LDLRAD2: variants seen among roughly 807,000 people sequenced by gnomAD.
LDLRAD2 encodes the protein low-density lipoprotein receptor class A domain-containing protein 2.
In LDLRAD2, 25 loss-of-function variants were observed where a neutral mutation model predicts 24.9. That is an observed-to-expected ratio of 1.00 (90% CI 0.73 to 1.40). LDLRAD2 has a LOEUF of 1.40. Ranked by LOEUF, LDLRAD2 falls within the 40% of genes most tolerant of loss-of-function variation. The pLI, the probability that LDLRAD2 is intolerant of heterozygous loss-of-function variation, is 0.00. For missense variants in LDLRAD2, 391 were observed against 366.2 expected (o/e 1.07, Z -0.55); for synonymous variants, 182 against 166.7 (o/e 1.09, Z -0.71).
rs1157943741 is a variant in LDLRAD2, at chr1:21,824,403, G to C, written c.*2188G>C. 1.9e-6 allele frequency: 3 copies of C among 1,612,652 alleles called. No homozygotes were observed. The highest frequency in any genetic ancestry group is 2.7e-5 in the African/African-American group (2 of 75,006). On this transcript the variant is annotated 3_prime_UTR_variant, in exon 5 of 5. Transcript: ENST00000344642. This position sits in a 1 kb window ranked among gnomAD's most constrained non-coding sequence, Gnocchi z 5.9. Reference sequence around the variant, plus strand: ...TGCCAGGGAAGCACAGGGTCTCTGGGGTCCCCAGCCTGGAGAGCAGAGGCT... The same window carrying C: ...TGCCAGGGAAGCACAGGGTCTCTGGCGTCCCCAGCCTGGAGAGCAGAGGCT...
At chr1:21,815,322 A>T (rs1291009135) in intron 2 of LDLRAD2, among the ~76,000 whole-genome samples, 2 of 152,214 alleles carry the variant, frequency 1.3e-5, no homozygotes, top group Non-Finnish European at 2.9e-5. Context: ...ACCGCCTTGC[A>T]CACTTACACA....
Position 21,816,066 on chromosome 1 carries a change from A to T in LDLRAD2, c.635A>T (p.Asp212Val), listed in dbSNP as rs778575694. The T allele has an allele frequency of 3.7e-6, 6 of 1,613,106 alleles. No individual in the cohort carries two copies. In the East Asian group the frequency reaches 1.3e-4, roughly 36 times the overall value. Residue 212 changes from aspartate (D) to valine (V), a missense_variant, in exon 3 of 5, where the codon GAC becomes GTC. Asp to Val is a radical substitution (Grantham distance 152). Coordinates refer to ENST00000344642, the MANE Select transcript of LDLRAD2 (RefSeq NM_001013693.3). ...GACCAGGGCTCCTGGTCACCAGCTGACTGCAGAGGTCAGTGCGGGGTGTGG... is the reference window on the plus strand; with the variant it reads ...GACCAGGGCTCCTGGTCACCAGCTGTCTGCAGAGGTCAGTGCGGGGTGTGG... ...GSDQGSWSPA[D>V]CRGPSPVPSQ...
chr1:21,820,339 C>T (rs1023975840), intron 3 of LDLRAD2, among the ~76,000 whole-genome samples: 7 of 151,630 alleles, frequency 4.6e-5, no homozygotes, highest in Non-Finnish European at 1.0e-4. Context: ...ATCGAGACCA[C>T]AGTGAAACCC....
intron 3 of LDLRAD2, among the ~76,000 whole-genome samples, chr1:21,818,505 A>T (rs555018746): frequency 6.6e-6 from 1 of 152,312 alleles, no homozygotes; most frequent in Admixed American, 6.5e-5. Context: ...CACAGAGGTG[A>T]AATGCCATCT....
Position 21,824,799 on chromosome 1 carries a change from G to A in LDLRAD2, c.*2584G>A. The A allele has an allele frequency of 6.2e-7, 1 of 1,603,146 alleles. No individual in the cohort carries two copies. The highest frequency in any genetic ancestry group is 8.5e-7 in the Non-Finnish European group (1 of 1,173,610). ...GGGCATCTGTGGGAGAGAGGAGGGT[G>A]GTGCCATACCTGCTGCATCAGGCAT... On this transcript the variant is annotated 3_prime_UTR_variant, in exon 5 of 5. Transcript: ENST00000344642. The surrounding 1 kb of genome is among the most constrained non-coding windows in gnomAD (Gnocchi z 5.9).
rs1389760576 is a variant in LDLRAD2, at chr1:21,816,063, C to A, written c.632C>A (p.Ala211Asp). Residue 211 changes from alanine (A) to aspartate (D), a missense_variant, in exon 3 of 5, where the codon GCT (alanine) becomes GAT (aspartate). Physicochemically the swap from Ala to Asp is moderately radical, Grantham distance 126. Transcript: ENST00000344642. ...AGTGACCAGGGCTCCTGGTCACCAG[C>A]TGACTGCAGAGGTCAGTGCGGGGTG... ...DGSDQGSWSP[A>D]DCRGPSPVPS... 3.1e-6 allele frequency: 5 copies of A among 1,613,076 alleles called. No individual in the cohort carries two copies. The highest frequency in any genetic ancestry group is 1.1e-5 in the South Asian group (1 of 91,086).
chr1:21,812,357 G>A lies in LDLRAD2; in HGVS notation c.-95G>A. 5.5e-6 allele frequency: 5 copies of A among 916,200 alleles called. No individual in the cohort carries two copies. The highest frequency in any genetic ancestry group is 4.2e-5 in the South Asian group (3 of 71,192). The allele number at this position is 916,200 out of a possible 1,614,324, so 56.8% of individuals were successfully genotyped here. On this transcript the variant is annotated 5_prime_UTR_variant, in exon 1 of 5. Coordinates refer to ENST00000344642, the MANE Select transcript of LDLRAD2 (RefSeq NM_001013693.3). ...CTCCTTGTGTCCCACCAGCCTCCCT[G>A]CTGGCCTGACCAGGCCCCATACTCC... is the stretch of plus-strand genomic sequence containing the variant.
At chr1:21,818,683 C>T (rs557242754) in intron 3 of LDLRAD2, among the ~76,000 whole-genome samples, 1 of 152,272 alleles carries the variant, frequency 6.6e-6, no homozygotes, top group East Asian at 1.9e-4. Context: ...ATGTATAGCC[C>T]ACTTGAGTGG....
chr1:21,814,872 G>A (rs752998384), intron 2 of LDLRAD2, 49 bp downstream of exon 2: 3 of 1,408,046 alleles, frequency 2.1e-6, no homozygotes, highest in Non-Finnish European at 2.8e-6. Context: ...GAGGCCATGC[G>A]GGACTGGGGC....
In LDLRAD2 at chr1:21,814,595, G is replaced by C. The variant is rs1008873381; in HGVS notation, c.283G>C (p.Ala95Pro). 3.1e-6 allele frequency: 5 copies of C among 1,611,624 alleles called. No individual in the cohort carries two copies. The highest frequency in any genetic ancestry group is 4.2e-6 in the Non-Finnish European group (5 of 1,179,242). The change falls in exon 2 of 5, where the codon GCG (alanine) becomes CCG (proline). Residue 95 changes from alanine to proline, a missense_variant. By Grantham distance (27) the Ala-to-Pro change is conservative. Coordinates refer to ENST00000344642, the MANE Select transcript of LDLRAD2 (RefSeq NM_001013693.3). ...CTACAGCCTGACCCCCGCGCCCCCG[G>C]CGCTCAACACCTCCTCCCCGGCCCC... ...LVYSLTPAPP[A>P]LNTSSPAPAD...
intron 1 of LDLRAD2, 58 bp from the exon 2 acceptor site, chr1:21,814,340 A>G: frequency 7.0e-7 from 1 of 1,425,528 alleles, no homozygotes; most frequent in Non-Finnish European, 9.4e-7. Context: ...CGGGCAGGGG[A>G]CAGAGTAGAG....
intron 1 of LDLRAD2, among the ~76,000 whole-genome samples, 163 bp from the exon 2 acceptor site, chr1:21,814,235 C>T (rs116661462): frequency 0.023 from 3,471 of 152,306 alleles, 52 homozygotes; most frequent in Non-Finnish European, 0.033. Flanking sequence ...TCATTTAATC[C>T]TTACAATCAT....
At chr1:21,815,084 G>A (rs1327158629) in intron 2 of LDLRAD2, among the ~76,000 whole-genome samples, 1 of 152,110 alleles carries the variant, frequency 6.6e-6, no homozygotes. Flanking sequence ...TGTCCTACCA[G>A]CCCCAGTGCG....
chr1:21,815,108 A>G (rs915265767), intron 2 of LDLRAD2, among the ~76,000 whole-genome samples: 3 of 152,152 alleles, frequency 2.0e-5, no homozygotes, highest in African/African-American at 7.2e-5. Context: ...ACACATCCAC[A>G]CACATCCACA....
chr1:21,814,470 G>T lies in LDLRAD2; in HGVS notation c.158G>T (p.Arg53Leu). ...CTGCTGCGCTCGCACGCCGCATCGC[G>T]CAGGTTCTACTTCGTGGCTCCGGAC... ...GLLLRSHAAS[R>L]RFYFVAPDTD... The change falls in exon 2 of 5, where the codon CGC becomes CTC. Residue 53 changes from arginine (R) to leucine (L), a missense_variant. By Grantham distance (102) the Arg-to-Leu change is moderately radical. Coordinates refer to ENST00000344642, the MANE Select transcript of LDLRAD2 (RefSeq NM_001013693.3). 1.2e-6 allele frequency: 2 copies of T among 1,611,992 alleles called. No homozygotes were observed. The highest frequency in any genetic ancestry group is 1.1e-5 in the South Asian group (1 of 91,008).
Position 21,812,518 on chromosome 1 carries a change from G to A in LDLRAD2, c.67G>A (p.Ala23Thr), listed in dbSNP as rs202151173. 1 of 1,614,060 alleles carries A rather than the reference G, an allele frequency of 6.2e-7. No homozygotes were observed. Among genetic ancestry groups the A allele is most frequent in the East Asian group, 2.2e-5 (1 of 44,882 alleles). Residue 23 changes from alanine to threonine, a missense_variant, in exon 1 of 5, where the codon GCA becomes ACA. Transcript: ENST00000344642. ...LLLLGAAALT[A>T]TALETADLAE... ...CTTGCTGGGGGCAGCCGCCCTGACT[G>A]CAACTGCTTTGGAGACAGGTAAGTA...
chr1:21,824,410 A>G lies in LDLRAD2; in HGVS notation c.*2195A>G. On this transcript the variant is annotated 3_prime_UTR_variant, in exon 5 of 5. Transcript: ENST00000344642. This position sits in a 1 kb window ranked among gnomAD's most constrained non-coding sequence, Gnocchi z 5.9. The stretch of plus-strand genomic sequence containing the variant: ...GAAGCACAGGGTCTCTGGGGTCCCC[A>G]GCCTGGAGAGCAGAGGCTGCCGAGG... The G allele has an allele frequency of 6.2e-7, 1 of 1,611,892 alleles. No homozygotes were observed. Among genetic ancestry groups the G allele is most frequent in the Non-Finnish European group, 8.5e-7 (1 of 1,178,536 alleles).
chr1:21,821,154 G>A (rs868630341), intron 3 of LDLRAD2, among the ~76,000 whole-genome samples: 6 of 152,158 alleles, frequency 3.9e-5, no homozygotes, highest in South Asian at 2.1e-4. Context: ...TGGTGATTGC[G>A]CCACTGGACT....
chr1:21,817,624 A>AT (rs932084344), intron 3 of LDLRAD2, among the ~76,000 whole-genome samples: 31 of 151,804 alleles, frequency 2.0e-4, no homozygotes, highest in African/African-American at 7.0e-4. Flanking sequence ...CATGAACTTC[A>AT]TTTTTTAGGG....
Sources: allele counts gnomAD v4.1 joint callset (sites outside exome capture counted in the v4.1 genomes callset), GRCh38; gene constraint gnomAD v4.1.1; non-coding constraint Gnocchi (gnomAD v3.1); transcripts MANE v1.5; gene names NCBI Gene and HGNC (gene_info 2026-07-23, HGNC 2026-07-21).